The following STAG1 variants were observed in gnomAD, a reference collection of about 807,000 sequenced individuals.
STAG1 encodes the protein cohesin subunit SA-1.
STAG1 carries 26 observed loss-of-function variants against 170.9 expected under a neutral mutation model. The observed-to-expected ratio is 0.15, with a 90% confidence interval of 0.11 to 0.21. STAG1 has a LOEUF of 0.21. Ranked by LOEUF, STAG1 falls within the 10% of genes least tolerant of loss-of-function variation. The pLI is 1.00. For missense variants in STAG1, 964 were observed against 1,509.5 expected (o/e 0.64, Z 5.99); for synonymous variants, 514 against 497.7 (o/e 1.03, Z -0.44).
At chr3:136,730,827 C>A (rs1934000165) in intron 1 of STAG1, among the ~76,000 whole-genome samples, 1 of 152,218 alleles carries the variant, frequency 6.6e-6, no homozygotes, top group Admixed American at 6.5e-5. Context: ...GCTCCAAACA[C>A]AATCAAGTAA....
chr3:136,389,273 T>C (rs2086946962), intron 22 of STAG1, among the ~76,000 whole-genome samples: 1 of 152,182 alleles, frequency 6.6e-6, no homozygotes, highest in Non-Finnish European at 1.5e-5. Context: ...GACAGGCTAG[T>C]GAGGCTGAGA....
chr3:136,386,678 C>T (rs1437808016), intron 22 of STAG1, among the ~76,000 whole-genome samples: 2 of 152,102 alleles, frequency 1.3e-5, no homozygotes, highest in Admixed American at 6.5e-5. Flanking sequence ...TACAGGCACA[C>T]ACCACTACAC....
intron 22 of STAG1, among the ~76,000 whole-genome samples, chr3:136,388,511 G>A (rs2086926041): frequency 6.6e-6 from 1 of 152,100 alleles, no homozygotes; most frequent in Non-Finnish European, 1.5e-5. Flanking sequence ...TGGGATTACA[G>A]GCACACACCA....
chr3:136,402,691 T>C (rs113460148), intron 21 of STAG1, among the ~76,000 whole-genome samples: 176 of 149,048 alleles, frequency 1.2e-3, no homozygotes, highest in African/African-American at 2.5e-3. Flanking sequence ...AATTACCGGG[T>C]GTGGTGGCAC....
intron 1 of STAG1, chr3:136,736,604 A>G (rs1337979864): frequency 2.5e-6 from 4 of 1,581,256 alleles, no homozygotes; most frequent in Admixed American, 3.3e-5. Flanking sequence ...CCACACAACC[A>G]TCTCGACTTT....
intron 22 of STAG1, among the ~76,000 whole-genome samples, chr3:136,388,379 G>GT (rs996530454): frequency 1.2e-4 from 19 of 152,026 alleles, no homozygotes; most frequent in African/African-American, 3.4e-4. Context: ...TTGTTTGTTT[G>GT]TTTTTTTGAG....
At chr3:136,392,525 G>C (rs746168105) in intron 22 of STAG1, among the ~76,000 whole-genome samples, 2 of 152,000 alleles carry the variant, frequency 1.3e-5, no homozygotes, top group Admixed American at 6.6e-5. Flanking sequence ...CCAGCACTTC[G>C]GGAGGCTGAG....
At chr3:136,569,711 T>C (rs1386189320) in intron 4 of STAG1, among the ~76,000 whole-genome samples, 2 of 151,988 alleles carry the variant, frequency 1.3e-5, no homozygotes, top group African/African-American at 4.8e-5. Context: ...GCTGACAAGA[T>C]AAATATACAA....
In STAG1 at chr3:136,423,006, A is replaced by G. The variant is rs2088004395; in HGVS notation, c.1689T>C (p.Asp563=). ...TAKERKTQID[D]RNKLTEHFII... ...TAAAATGTTCAGTCAATTTGTTTCT[A>G]TCATCAATTTGAGTTTTCCTTTCTT... The change falls in exon 17 of 34, where the codon GAT becomes GAC. Residue 563 remains aspartate, a synonymous_variant. Coordinates refer to ENST00000383202, the MANE Select transcript of STAG1 (RefSeq NM_005862.3). The G allele has an allele frequency of 1.9e-6, 3 of 1,608,392 alleles. No homozygotes were observed. The South Asian group carries it at 3.3e-5, about 18-fold the overall frequency.
chr3:136,735,293 T>C (rs1161521074), intron 1 of STAG1, among the ~76,000 whole-genome samples: 2 of 151,666 alleles, frequency 1.3e-5, no homozygotes. Flanking sequence ...GCCCAGCTAA[T>C]TTTTGCATTT....
At chr3:136,460,842 T>C (rs1364371097) in intron 13 of STAG1, among the ~76,000 whole-genome samples, 2 of 152,160 alleles carry the variant, frequency 1.3e-5, no homozygotes, top group African/African-American at 4.8e-5. Context: ...ATCACCCTGA[T>C]GCCAAAACCA....
At chr3:136,696,194 A>G (rs939046789) in intron 1 of STAG1, among the ~76,000 whole-genome samples, 18 of 152,196 alleles carry the variant, frequency 1.2e-4, no homozygotes, top group Admixed American at 1.0e-3. Flanking sequence ...GCAGTAGGTA[A>G]AAGTTGCCTT....
At chr3:136,723,284 G>C (rs530588006) in intron 1 of STAG1, among the ~76,000 whole-genome samples, 1 of 151,852 alleles carries the variant, frequency 6.6e-6, no homozygotes, top group Non-Finnish European at 1.5e-5. Flanking sequence ...TCTAGGAAGT[G>C]AGGAGCGTCT....
rs1271114165 is a variant in STAG1, at chr3:136,338,046, A to G, written c.*208T>C. On this transcript the variant is annotated 3_prime_UTR_variant, in exon 34 of 34. Coordinates refer to ENST00000383202, the MANE Select transcript of STAG1 (RefSeq NM_005862.3). ...GTAGGACACAAATGATTTTCAGGTC[A>G]GTCTTTCTGAGTTGACATTCACCAA... The G allele has an allele frequency of 1.8e-6, 1 of 543,908 alleles. No homozygotes were observed. The highest frequency in any genetic ancestry group is 3.3e-6 in the Non-Finnish European group (1 of 303,696). 33.7% of individuals were successfully genotyped at this position (543,908 alleles called of 1,614,324 possible).
chr3:136,590,815 T>C (rs541542222), intron 4 of STAG1, among the ~76,000 whole-genome samples: 21 of 152,294 alleles, frequency 1.4e-4, no homozygotes, highest in Admixed American at 3.9e-4. Flanking sequence ...TTTCTGAGGA[T>C]CAAATTAATT....
At chr3:136,406,708 T>C (rs920635837) in intron 21 of STAG1, among the ~76,000 whole-genome samples, 10 of 152,056 alleles carry the variant, frequency 6.6e-5, no homozygotes, top group Non-Finnish European at 1.5e-4. Context: ...AAATAGGGGA[T>C]TGATTATCCA....
At chr3:136,382,242 G>C (rs1938008183) in intron 22 of STAG1, among the ~76,000 whole-genome samples, 1 of 152,042 alleles carries the variant, frequency 6.6e-6, no homozygotes, top group Admixed American at 6.6e-5. Flanking sequence ...CTTTATAAAG[G>C]CTGAACACAA....
intron 13 of STAG1, among the ~76,000 whole-genome samples, chr3:136,455,035 G>A (rs1191303259): frequency 6.6e-6 from 1 of 152,162 alleles, no homozygotes; most frequent in African/African-American, 2.4e-5. Context: ...CAAGACACGG[G>A]CCTAAAAAAC....
chr3:136,447,573 C>T (rs1490602711), intron 14 of STAG1, among the ~76,000 whole-genome samples: 5 of 149,024 alleles, frequency 3.4e-5, no homozygotes, highest in African/African-American at 1.2e-4. Flanking sequence ...TAATAGCATC[C>T]TTATCCCTCT....
Sources: gnomAD v4.1 joint callset for allele counts (sites outside exome capture counted in the v4.1 genomes callset) on GRCh38, gnomAD v4.1.1 for gene constraint, MANE v1.5 for transcripts, NCBI Gene and HGNC (gene_info 2026-07-23, HGNC 2026-07-21) for gene names.